The following PCLO variants were observed in gnomAD, a reference collection of about 807,000 sequenced individuals.
The protein encoded by PCLO is protein piccolo.
In PCLO, 82 loss-of-function variants were observed where a neutral mutation model predicts 427.5. The ratio of observed to expected loss-of-function variants is 0.19; its 90% CI spans 0.16 to 0.23. PCLO has a LOEUF of 0.23. Among genes scored for constraint, PCLO ranks in the 10% least tolerant of loss-of-function variants. The probability of loss-of-function intolerance (pLI) is 1.00; values close to 1 mark genes in which losing one functional copy is unlikely to be tolerated. For synonymous variants in PCLO, 2,357 were observed against 2,155.4 expected (o/e 1.09, Z -2.59); for missense variants, 6,239 against 6,115.9 (o/e 1.02, Z -0.67).
In PCLO at chr7:82,822,208, C is replaced by T. The variant is rs2115643309; in HGVS notation, c.14791+287G>A. 3 of 1,250,188 alleles carry T rather than the reference C, an allele frequency of 2.4e-6. No homozygotes were observed. The East Asian group carries it at 1.2e-4, about 51-fold the overall frequency. 77.4% of individuals were successfully genotyped at this position (1,250,188 alleles called of 1,614,324 possible). The stretch of plus-strand genomic sequence containing the variant: ...AAAAAGGACACACAACATTGCTTTG[C>T]TTCCAAACATCACAGACACTGTATC... On this transcript the variant is annotated intron_variant, in intron 20 of 24. Transcript: ENST00000333891.
intron 1 of PCLO, among the ~76,000 whole-genome samples, chr7:83,156,841 A>G (rs1011375244): frequency 1.3e-5 from 2 of 152,074 alleles, no homozygotes; most frequent in Non-Finnish European, 2.9e-5. Context: ...TTGATATAAG[A>G]AAGTCTTCCA....
chr7:82,968,044 T>A (rs2115678078), intron 3 of PCLO, among the ~76,000 whole-genome samples: 1 of 152,368 alleles, frequency 6.6e-6, no homozygotes, highest in South Asian at 2.1e-4. Flanking sequence ...TAAGTTTCAT[T>A]TCTTACTTCA....
Position 83,134,243 on chromosome 7 carries a change from A to ATATATATAT in PCLO, c.3300+6_3300+7insATATATATA, listed in dbSNP as rs1554402641. ...AATATATATATATATATATATATATAACTTACCTCAGTCAAATGTGGTGTA... is the reference window on the plus strand; with the variant it reads ...AATATATATATATATATATATATATATATATATATACTTACCTCAGTCAAATGTGGTGTA... On this transcript the variant is annotated splice_region_variant and intron_variant, in intron 3 of 24. Transcript: ENST00000333891. The ATATATATAT allele has an allele frequency of 1.4e-4, 148 of 1,087,862 alleles. No individual in the cohort carries two copies. The highest frequency in any genetic ancestry group is 1.6e-4 in the South Asian group (10 of 60,966). 67.4% of individuals were successfully genotyped at this position (1,087,862 alleles called of 1,614,324 possible).
intron 3 of PCLO, among the ~76,000 whole-genome samples, chr7:82,971,299 C>T (rs916640023): frequency 1.1e-4 from 17 of 151,600 alleles, no homozygotes; most frequent in Non-Finnish European, 2.1e-4. Flanking sequence ...AATTGTGATA[C>T]GCATGATTAT....
chr7:83,155,734 T>C lies in PCLO; in HGVS notation c.907A>G (p.Lys303Glu), dbSNP rs773859846. ...SVKPSLPSPS[K>E]PPIQQPTPGK... ...GGAGTTGGTTGCTGAATAGGTGGTT[T>C]GGATGGGCTTGGCAGTGAGGGTTTA... The change falls in exon 2 of 25, where the codon AAA (lysine) becomes GAA (glutamate). Residue 303 changes from lysine (K) to glutamate (E), a missense_variant. This residue lies in a region of PCLO where 4,677 missense variants were observed against 4,468.4 expected (regional missense o/e 1.05). Coordinates refer to ENST00000333891, the MANE Select transcript of PCLO (RefSeq NM_033026.6). 10 of 1,613,986 alleles carry C rather than the reference T, an allele frequency of 6.2e-6. No individual in the cohort carries two copies. The South Asian group carries it at 8.8e-5, about 14-fold the overall frequency.
At chr7:82,765,554 CAT>C (rs1381036294) in intron 22 of PCLO, among the ~76,000 whole-genome samples, 1 of 151,952 alleles carries the variant, frequency 6.6e-6, no homozygotes, top group Non-Finnish European at 1.5e-5. Flanking sequence ...TTAGAAATGA[CAT>C]GTGTTCTCTT....
intron 3 of PCLO, among the ~76,000 whole-genome samples, chr7:83,005,051 T>G (rs530805623): frequency 7.0e-6 from 1 of 143,214 alleles, no homozygotes; most frequent in Non-Finnish European, 1.5e-5. Flanking sequence ...GAAGATACAT[T>G]GTAGGAGGGA....
intron 22 of PCLO, among the ~76,000 whole-genome samples, chr7:82,782,495 C>T (rs752285750): frequency 7.2e-5 from 11 of 152,098 alleles, no homozygotes; most frequent in Non-Finnish European, 1.2e-4. Flanking sequence ...ACTGATTTTA[C>T]AGTGCATCCA....
chr7:82,772,404 G>A (rs1790666302), intron 22 of PCLO, among the ~76,000 whole-genome samples: 1 of 151,964 alleles, frequency 6.6e-6, no homozygotes, highest in Non-Finnish European at 1.5e-5. Context: ...CTATGGGGTG[G>A]CCTCCTAGCA....
intron 10 of PCLO, among the ~76,000 whole-genome samples, chr7:82,849,253 C>T (rs1207817036): frequency 6.6e-6 from 1 of 152,064 alleles, no homozygotes; most frequent in East Asian, 1.9e-4. Flanking sequence ...AAAAATGCTT[C>T]TAAAGAACTA....
At chr7:82,948,715 A>G (rs1294582579) in intron 6 of PCLO, among the ~76,000 whole-genome samples, 2 of 152,166 alleles carry the variant, frequency 1.3e-5, no homozygotes, top group Non-Finnish European at 2.9e-5. Context: ...ATACATCTGT[A>G]TATGTTCTTC....
At chr7:82,807,629 G>T (rs1049767245) in intron 20 of PCLO, among the ~76,000 whole-genome samples, 2 of 151,886 alleles carry the variant, frequency 1.3e-5, no homozygotes, top group Non-Finnish European at 2.9e-5. Context: ...CAATTTCGTC[G>T]GTAGCAGGTT....
chr7:82,801,437 T>C, intron 22 of PCLO, 81 bp downstream of exon 22: 2 of 754,938 alleles, frequency 2.6e-6, no homozygotes, highest in Non-Finnish European at 4.7e-6. Context: ...TTTAAATTCA[T>C]GTTAAAAGAA....
intron 3 of PCLO, among the ~76,000 whole-genome samples, chr7:83,028,202 A>C: frequency 6.6e-6 from 1 of 151,904 alleles, no homozygotes; most frequent in Non-Finnish European, 1.5e-5. Flanking sequence ...GTATATCTAG[A>C]AAACCCCATT....
chr7:82,841,542 A>T, intron 13 of PCLO, 33 bp from the exon 14 acceptor site: 1 of 1,278,940 alleles, frequency 7.8e-7, no homozygotes. Context: ...TTACATTAAT[A>T]GATACATTTT....
At chr7:82,901,442 G>A (rs369581623) in intron 9 of PCLO, among the ~76,000 whole-genome samples, 6 of 151,816 alleles carry the variant, frequency 4.0e-5, no homozygotes, top group East Asian at 1.9e-4. Context: ...GATTAAAGAC[G>A]TACATGTTAG....
intron 22 of PCLO, among the ~76,000 whole-genome samples, chr7:82,777,218 T>C (rs1201765720): frequency 6.6e-6 from 1 of 151,914 alleles, no homozygotes; most frequent in Admixed American, 6.6e-5. Flanking sequence ...CTATCTACAA[T>C]GAGAATTACA....
intron 3 of PCLO, among the ~76,000 whole-genome samples, chr7:82,999,888 T>C (rs1418616436): frequency 1.6e-5 from 2 of 123,808 alleles, no homozygotes; most frequent in Admixed American, 1.0e-4. Context: ...ATATTATATA[T>C]AATATATATA....
intron 4 of PCLO, among the ~76,000 whole-genome samples, chr7:82,958,936 C>T (rs1375579633): frequency 6.6e-6 from 1 of 152,192 alleles, no homozygotes; most frequent in African/African-American, 2.4e-5. Context: ...CTAGCCCCAT[C>T]CTCCCTTTAC....
Sources: allele counts gnomAD v4.1 joint callset (sites outside exome capture counted in the v4.1 genomes callset), GRCh38; gene constraint gnomAD v4.1.1; regional missense constraint gnomAD v4.1.1; transcripts MANE v1.5; gene names NCBI Gene and HGNC (gene_info 2026-07-23, HGNC 2026-07-21).